The following PRSS55 variants were observed in gnomAD, a reference collection of about 807,000 sequenced individuals.
PRSS55 encodes serine protease 55.
A neutral mutation model predicts 23.6 loss-of-function variants in PRSS55; 41 were observed. The ratio of observed to expected loss-of-function variants is 1.74; its 90% CI spans 1.35 to 2.26. The LOEUF is 2.26. Among genes scored for constraint, PRSS55 ranks in the 30% most tolerant of loss-of-function variants. The pLI is 0.00. For synonymous variants in PRSS55, 262 were observed against 175.5 expected, an observed-to-expected ratio of 1.49 and a Z score of -3.90; for missense variants, 669 against 439.1, an observed-to-expected ratio of 1.52 and a Z score of -4.68.
At chr8:10,552,021 G>A (rs570258989) in intron 4 of PRSS55, among the ~76,000 whole-genome samples, 13 of 152,306 alleles carry the variant, frequency 8.5e-5, no homozygotes, top group East Asian at 1.9e-4. Flanking sequence ...AGAACGTGCC[G>A]GAAGTTACTG....
downstream of PRSS55, among the ~76,000 whole-genome samples, chr8:10,543,096 C>G (rs1234893608): frequency 6.6e-6 from 1 of 152,072 alleles, no homozygotes; most frequent in Non-Finnish European, 1.5e-5. Context: ...TGCATGGGAC[C>G]AGGCCTGACC....
chr8:10,542,365 C>A (rs1178523709), downstream of PRSS55, among the ~76,000 whole-genome samples: 1 of 138,194 alleles, frequency 7.2e-6, no homozygotes, highest in Non-Finnish European at 1.5e-5. Flanking sequence ...AACTTAACAA[C>A]GTAATAAATG....
intron 4 of PRSS55, among the ~76,000 whole-genome samples, chr8:10,552,104 G>A (rs777887329): frequency 2.6e-5 from 4 of 152,178 alleles, no homozygotes; most frequent in Non-Finnish European, 4.4e-5. Flanking sequence ...ATGTCTTCAT[G>A]CTTAGAATAA....
intron 1 of PRSS55, among the ~76,000 whole-genome samples, 177 bp downstream of exon 1, chr8:10,525,916 C>T (rs1812006177): frequency 6.6e-6 from 1 of 152,182 alleles, no homozygotes; most frequent in Non-Finnish European, 1.5e-5. Flanking sequence ...CTTGTCTAAC[C>T]CTGAGTTTTG....
chr8:10,545,037 C>G, intron 4 of PRSS55: 1 of 984,722 alleles, frequency 1.0e-6, no homozygotes, highest in Non-Finnish European at 1.2e-6. Flanking sequence ...TGGCCTGCAC[C>G]TGTGCTTCTC....
intron 4 of PRSS55, among the ~76,000 whole-genome samples, chr8:10,535,121 C>A (rs1453811185): frequency 2.0e-5 from 3 of 152,134 alleles, no homozygotes; most frequent in African/African-American, 7.2e-5. Context: ...GAATCAATAT[C>A]ATTAAAATGG....
chr8:10,526,969 GTGCCA>G (rs1300888636), intron 1 of PRSS55, among the ~76,000 whole-genome samples: 2 of 152,184 alleles, frequency 1.3e-5, no homozygotes, highest in African/African-American at 2.4e-5. Flanking sequence ...CCCTGAGCAC[GTGCCA>G]TGTTCTGCAT....
At chr8:10,528,012 A>G (rs1390681520) in intron 1 of PRSS55, among the ~76,000 whole-genome samples, 1 of 152,158 alleles carries the variant, frequency 6.6e-6, no homozygotes, top group Non-Finnish European at 1.5e-5. Context: ...TAGGAGCTCT[A>G]GACCAGCCTG....
At chr8:10,547,054 G>A (rs992846067) in intron 4 of PRSS55, among the ~76,000 whole-genome samples, 1 of 152,180 alleles carries the variant, frequency 6.6e-6, no homozygotes, top group African/African-American at 2.4e-5. Context: ...CCCAGCAGAT[G>A]GCAGTGGGCA....
At chr8:10,542,419 G>GGGGAAGA (rs60800512), downstream of PRSS55, among the ~76,000 whole-genome samples, 1 of 133,504 alleles carries the variant, frequency 7.5e-6, no homozygotes, top group African/African-American at 3.1e-5. Flanking sequence ...CCATGCGGGG[G>GGGGAAGA]AAAAAAAAAA....
intron 1 of PRSS55, among the ~76,000 whole-genome samples, chr8:10,527,945 G>T (rs1812095985): frequency 6.6e-6 from 1 of 152,202 alleles, no homozygotes; most frequent in Admixed American, 6.5e-5. Flanking sequence ...GGGCATGGTG[G>T]CTCACGCCTG....
At chr8:10,550,887 G>T (rs1449874108) in intron 4 of PRSS55, among the ~76,000 whole-genome samples, 1 of 152,212 alleles carries the variant, frequency 6.6e-6, no homozygotes, top group Non-Finnish European at 1.5e-5. Context: ...GCTGGAGGGA[G>T]GATTGCTTGC....
intron 4 of PRSS55, among the ~76,000 whole-genome samples, chr8:10,535,641 C>G (rs1334790366): frequency 6.6e-6 from 1 of 152,202 alleles, no homozygotes; most frequent in African/African-American, 2.4e-5. Context: ...CTACAAACCA[C>G]CATTCTTGAC....
chr8:10,541,411 C>T (rs1047978941), downstream of PRSS55: 1 of 152,232 alleles, frequency 6.6e-6, no homozygotes, highest in Admixed American at 6.5e-5. Flanking sequence ...TCCTCAGCCG[C>T]CCACCTTCAG....
exon 5 of PRSS55, chr8:10,554,040 C>T: frequency 6.6e-7 from 1 of 1,517,980 alleles, no homozygotes. Flanking sequence ...TGATGCTTTG[C>T]TCTTTCTTCT....
intron 4 of PRSS55, among the ~76,000 whole-genome samples, chr8:10,549,074 G>C (rs116976180): frequency 2.0e-5 from 3 of 152,324 alleles, no homozygotes; most frequent in African/African-American, 4.8e-5. Context: ...CTGGAGCCTG[G>C]AGCATTTACT....
At chr8:10,526,314 C>G (rs1405543818) in intron 1 of PRSS55, among the ~76,000 whole-genome samples, 1 of 152,200 alleles carries the variant, frequency 6.6e-6, no homozygotes, top group African/African-American at 2.4e-5. Context: ...GAACTCAAAG[C>G]CTGAGGAAGA....
chr8:10,532,467 C>T (rs532839902), intron 3 of PRSS55, among the ~76,000 whole-genome samples: 4 of 152,316 alleles, frequency 2.6e-5, no homozygotes, highest in African/African-American at 9.6e-5. Context: ...CCAACCTGCC[C>T]TTGCTGAGGA....
At chr8:10,550,355 G>A (rs1812925149) in intron 4 of PRSS55, among the ~76,000 whole-genome samples, 1 of 152,176 alleles carries the variant, frequency 6.6e-6, no homozygotes, top group African/African-American at 2.4e-5. Flanking sequence ...GTCAATGAAG[G>A]AAGGGGCCGA....
Sources: gnomAD v4.1 joint callset for allele counts (sites outside exome capture counted in the v4.1 genomes callset) on GRCh38, gnomAD v4.1.1 for gene constraint, MANE v1.5 for transcripts, NCBI Gene and HGNC (gene_info 2026-07-23, HGNC 2026-07-21) for gene names.